CDKAL1: variants seen among roughly 807,000 people sequenced by gnomAD.
CDKAL1 encodes the protein threonylcarbamoyladenosine tRNA methylthiotransferase.
Under a neutral mutation model 68.2 loss-of-function variants are expected in CDKAL1, and 32 were observed. The observed-to-expected ratio is 0.47, with a 90% CI of 0.35 to 0.63. CDKAL1 has a LOEUF of 0.63. Among genes scored for constraint, CDKAL1 ranks in the 30% least tolerant of loss-of-function variants. The pLI, the probability that CDKAL1 is intolerant of heterozygous loss-of-function variation, is 0.00. For missense variants in CDKAL1, 606 were observed against 696.7 expected (o/e 0.87, Z 1.47); for synonymous variants, 234 against 244.3 (o/e 0.96, Z 0.39).
chr6:21,227,397 C>CTGAT (rs1257704306), intron 15 of CDKAL1, among the ~76,000 whole-genome samples: 1 of 152,106 alleles, frequency 6.6e-6, no homozygotes, highest in Non-Finnish European at 1.5e-5. Flanking sequence ...TAGCTAGCTA[C>CTGAT]TGATTATTAA....
At chr6:20,862,660 TGTGC>T (rs1299004431) in intron 9 of CDKAL1, among the ~76,000 whole-genome samples, 8 of 147,328 alleles carry the variant, frequency 5.4e-5, no homozygotes, top group South Asian at 2.1e-4. Flanking sequence ...TGTGTGTGTG[TGTGC>T]GCGCGTGCAT....
intron 11 of CDKAL1, among the ~76,000 whole-genome samples, chr6:21,056,148 G>C (rs951089040): frequency 1.3e-5 from 2 of 151,700 alleles, no homozygotes; most frequent in Non-Finnish European, 3.0e-5. Context: ...TTTCATGTTT[G>C]TTGGCCGAAT....
Position 21,081,250 on chromosome 6 carries a change from A to G in CDKAL1, c.1236+16022A>G, listed in dbSNP as rs138427262. ...TATAAGTTTTCTCTCACATGCTGAA[A>G]GGTGGCAGGTATTAGAGTTGAGAAA... On this transcript the variant is annotated intron_variant, in intron 12 of 15. Coordinates refer to ENST00000274695, the MANE Select transcript of CDKAL1 (RefSeq NM_017774.3). Among the ~76,000 whole-genome samples the G allele has an allele frequency of 2.5e-3, 385 of 152,346 alleles. 1 individual carries two copies. Among genetic ancestry groups the G allele is most frequent in the African/African-American group, 8.7e-3 (362 of 41,572 alleles).
chr6:21,199,657 A>T (rs530273994), intron 14 of CDKAL1, among the ~76,000 whole-genome samples: 16 of 152,210 alleles, frequency 1.1e-4, no homozygotes, highest in Non-Finnish European at 2.4e-4. Context: ...AGGAGGGGAA[A>T]ACACTGAGCC....
intron 12 of CDKAL1, among the ~76,000 whole-genome samples, chr6:21,086,072 A>G (rs1212971916): frequency 6.6e-6 from 1 of 152,180 alleles, no homozygotes; most frequent in Non-Finnish European, 1.5e-5. Context: ...GCCGCCTTGC[A>G]CTGTTTTGGT....
chr6:20,804,257 A>G (rs540905576), intron 8 of CDKAL1, among the ~76,000 whole-genome samples: 5 of 152,348 alleles, frequency 3.3e-5, no homozygotes, highest in Admixed American at 1.3e-4. Context: ...CAATGATGAA[A>G]TACAGAAACA....
intron 13 of CDKAL1, among the ~76,000 whole-genome samples, chr6:21,186,293 T>C (rs150014484): frequency 6.6e-6 from 1 of 152,240 alleles, no homozygotes; most frequent in East Asian, 1.9e-4. Flanking sequence ...GCACGTGTTA[T>C]TTATTGCTCA....
intron 5 of CDKAL1, among the ~76,000 whole-genome samples, chr6:20,730,324 A>G (rs573397602): frequency 4.6e-5 from 7 of 151,746 alleles, no homozygotes; most frequent in Admixed American, 2.6e-4. Context: ...AAGAAAAGAA[A>G]AGAAAGAAAG....
intron 9 of CDKAL1, among the ~76,000 whole-genome samples, chr6:20,883,060 A>G (rs1419851047): frequency 6.6e-6 from 1 of 152,108 alleles, no homozygotes; most frequent in African/African-American, 2.4e-5. Context: ...CATCCGTAAG[A>G]GAGAAACCTA....
intron 5 of CDKAL1, among the ~76,000 whole-genome samples, chr6:20,685,425 G>T (rs551337479): frequency 6.6e-6 from 1 of 152,226 alleles, no homozygotes; most frequent in Admixed American, 6.5e-5. Flanking sequence ...CCTTAAAGTT[G>T]AGTAGTGTCA....
rs375139838 is a variant in CDKAL1, at chr6:20,659,700, C to T, written c.371+10323C>T. ...GTATATCCCACTGCTTCCTTGACTT[C>T]GCCATTTGGATGACCTTGACCATGG... On this transcript the variant is annotated intron_variant, in intron 5 of 15. Transcript: ENST00000274695. Among the ~76,000 whole-genome samples, 17 of 152,236 alleles carry T rather than the reference C, an allele frequency of 1.1e-4. No individual in the cohort carries two copies. In the East Asian group the frequency reaches 2.5e-3, roughly 22 times the overall value.
intron 4 of CDKAL1, among the ~76,000 whole-genome samples, chr6:20,606,621 T>C (rs1766345179): frequency 6.6e-6 from 1 of 152,204 alleles, no homozygotes; most frequent in African/African-American, 2.4e-5. Flanking sequence ...TTTAAGGATA[T>C]GTTTCTGTGT....
intron 5 of CDKAL1, among the ~76,000 whole-genome samples, chr6:20,692,424 G>A (rs1260840148): frequency 2.0e-5 from 3 of 152,160 alleles, no homozygotes; most frequent in African/African-American, 4.8e-5. Context: ...TGAAATGATA[G>A]TAATTATCTC....
chr6:21,060,555 C>A (rs1005643578), intron 11 of CDKAL1, among the ~76,000 whole-genome samples: 5 of 151,554 alleles, frequency 3.3e-5, no homozygotes, highest in Admixed American at 3.3e-4. Context: ...TTATTATTTT[C>A]TTTATTTGTC....
chr6:20,584,820 A>C (rs1345780033), intron 4 of CDKAL1, among the ~76,000 whole-genome samples: 2 of 152,092 alleles, frequency 1.3e-5, no homozygotes, highest in Admixed American at 6.5e-5. Context: ...CCCCGCACCA[A>C]ATCTACCTGC....
intron 9 of CDKAL1, among the ~76,000 whole-genome samples, chr6:20,906,750 G>C (rs1762247152): frequency 6.6e-6 from 1 of 152,098 alleles, no homozygotes; most frequent in African/African-American, 2.4e-5. Flanking sequence ...AAACACAAAA[G>C]AAGGCAGTAA....
At chr6:21,194,794 C>T (rs555337745) in intron 13 of CDKAL1, among the ~76,000 whole-genome samples, 1 of 152,274 alleles carries the variant, frequency 6.6e-6, no homozygotes, top group South Asian at 2.1e-4. Flanking sequence ...TTGCATCTTC[C>T]AGAATGTCAT....
intron 8 of CDKAL1, among the ~76,000 whole-genome samples, chr6:20,833,804 GCTT>G (rs1286651107): frequency 1.3e-5 from 2 of 152,060 alleles, no homozygotes; most frequent in Non-Finnish European, 2.9e-5. Context: ...ATCTGGGGTT[GCTT>G]TTAGGAAGGA....
chr6:21,217,183 CATAT>C (rs993718812), intron 15 of CDKAL1, among the ~76,000 whole-genome samples: 10 of 151,680 alleles, frequency 6.6e-5, no homozygotes, highest in African/African-American at 2.4e-4. Flanking sequence ...TATATACACA[CATAT>C]ATATATATTC....
Sources: gnomAD v4.1 joint callset for allele counts (sites outside exome capture counted in the v4.1 genomes callset) on GRCh38, gnomAD v4.1.1 for gene constraint, MANE v1.5 for transcripts, NCBI Gene and HGNC (gene_info 2026-07-23, HGNC 2026-07-21) for gene names.